The following RELN variants were observed in gnomAD, a reference collection of about 807,000 sequenced individuals.
The protein encoded by RELN is reelin.
Under a neutral mutation model 427.6 loss-of-function variants are expected in RELN, and 108 were observed. That is an observed-to-expected ratio of 0.25 (90% CI 0.22 to 0.30). RELN has a LOEUF of 0.30. Ranked by LOEUF, RELN falls within the 10% of genes least tolerant of loss-of-function variation. The pLI is 1.00. For synonymous variants in RELN, 1,524 were observed against 1,513.4 expected, an observed-to-expected ratio of 1.01 and a Z score of -0.16; for missense variants, 3,715 against 4,302.8, an observed-to-expected ratio of 0.86 and a Z score of 3.82.
intron 1 of RELN, among the ~76,000 whole-genome samples, chr7:103,923,928 A>G (rs1207976961): frequency 6.6e-6 from 1 of 152,218 alleles, no homozygotes; most frequent in Non-Finnish European, 1.5e-5. Flanking sequence ...TATAGGTATT[A>G]ATCTTTTCAA....
intron 1 of RELN, among the ~76,000 whole-genome samples, chr7:103,940,005 C>A (rs1376612122): frequency 6.6e-6 from 1 of 152,064 alleles, no homozygotes; most frequent in East Asian, 1.9e-4. Flanking sequence ...ACAATCTGTA[C>A]ATGTATATTA....
intron 2 of RELN, among the ~76,000 whole-genome samples, chr7:103,892,254 G>A (rs1018242081): frequency 1.3e-5 from 2 of 152,088 alleles, no homozygotes; most frequent in African/African-American, 2.4e-5. Flanking sequence ...TTCAGGAACC[G>A]AATGACTATG....
intron 12 of RELN, among the ~76,000 whole-genome samples, chr7:103,657,219 G>C (rs1305720066): frequency 6.6e-6 from 1 of 151,942 alleles, no homozygotes; most frequent in African/African-American, 2.4e-5. Context: ...TTATGATTTT[G>C]ACATTTATAT....
At chr7:103,646,269 G>C (rs1338824915) in intron 16 of RELN, among the ~76,000 whole-genome samples, 3 of 151,516 alleles carry the variant, frequency 2.0e-5, no homozygotes, top group Non-Finnish European at 4.4e-5. Flanking sequence ...AAATAATGAA[G>C]ATCAGAGCAG....
At chr7:103,886,088 T>C (rs1431344056) in intron 2 of RELN, among the ~76,000 whole-genome samples, 1 of 152,148 alleles carries the variant, frequency 6.6e-6, no homozygotes, top group Non-Finnish European at 1.5e-5. Flanking sequence ...ATTTTATGAG[T>C]TGTGTTTATG....
intron 3 of RELN, among the ~76,000 whole-genome samples, chr7:103,817,400 C>T (rs1196291613): frequency 6.6e-6 from 1 of 152,120 alleles, no homozygotes; most frequent in East Asian, 1.9e-4. Flanking sequence ...AATATGTGGC[C>T]AGGCCCTCTC....
intron 11 of RELN, among the ~76,000 whole-genome samples, chr7:103,678,063 T>C (rs190551109): frequency 6.6e-6 from 1 of 152,332 alleles, no homozygotes; most frequent in East Asian, 1.9e-4. Flanking sequence ...TGGGGAAGAC[T>C]ACAGCATACT....
At chr7:103,688,216 T>C (rs1226586348) in intron 10 of RELN, among the ~76,000 whole-genome samples, 1 of 152,030 alleles carries the variant, frequency 6.6e-6, no homozygotes, top group Non-Finnish European at 1.5e-5. Flanking sequence ...AAAAAAGACA[T>C]GGGAACATGG....
intron 1 of RELN, among the ~76,000 whole-genome samples, chr7:103,935,636 C>G (rs1257695552): frequency 6.6e-6 from 1 of 152,138 alleles, no homozygotes. Context: ...CAGCTTAACT[C>G]CCTGTAAGAC....
chr7:103,486,506 G>A (rs774001116), intron 60 of RELN, 90 bp from the exon 61 acceptor site: 19 of 920,914 alleles, frequency 2.1e-5, no homozygotes, highest in East Asian at 5.8e-5. Context: ...GGTTTAAGTA[G>A]TTGTTACTGT....
intron 6 of RELN, among the ~76,000 whole-genome samples, chr7:103,744,669 A>G (rs1246839072): frequency 6.6e-6 from 1 of 152,240 alleles, no homozygotes; most frequent in Non-Finnish European, 1.5e-5. Flanking sequence ...ACCTAGAAGA[A>G]ATGGATAAAT....
intron 61 of RELN, among the ~76,000 whole-genome samples, chr7:103,484,744 C>T (rs969274901): frequency 5.9e-5 from 9 of 152,098 alleles, no homozygotes; most frequent in African/African-American, 1.7e-4. Flanking sequence ...TGAAAGGTAA[C>T]GTGGGCCAAA....
rs749251239 is a variant in RELN, at chr7:103,557,974, T to C, written c.5605A>G (p.Ile1869Val). 2.6e-5 allele frequency: 35 copies of C among 1,342,834 alleles called. No homozygotes were observed. The highest frequency in any genetic ancestry group is 8.2e-5 in the South Asian group (7 of 85,396). The allele number at this position is 1,342,834 out of a possible 1,614,324, so 83.2% of individuals were successfully genotyped here. The part of the protein sequence containing the change: ...TMYVQFSLRF[I>V]AKSTPERSHS... ...ATAAATTCATACTTACTTTTTGCTA[T>C]AAATCTAAGTGAAAACTGGACATAC... The change falls in exon 37 of 65, where the codon ATA becomes GTA. Residue 1869 changes from isoleucine (I) to valine (V), a missense_variant. By Grantham distance (29) the Ile-to-Val change is conservative. Coordinates refer to ENST00000428762, the MANE Select transcript of RELN (RefSeq NM_005045.4).
At chr7:103,793,972 G>A (rs1471065579) in intron 3 of RELN, among the ~76,000 whole-genome samples, 2 of 152,068 alleles carry the variant, frequency 1.3e-5, no homozygotes, top group African/African-American at 2.4e-5. Context: ...TCACCATGTT[G>A]GCCAGGCTGG....
chr7:103,695,728 G>C (rs758084528), intron 10 of RELN, among the ~76,000 whole-genome samples: 7 of 152,072 alleles, frequency 4.6e-5, no homozygotes, highest in African/African-American at 7.2e-5. Flanking sequence ...AGGTCTCCTG[G>C]GTTTATGCAT....
chr7:103,716,773 G>C (rs913701762), intron 8 of RELN, among the ~76,000 whole-genome samples: 1 of 152,162 alleles, frequency 6.6e-6, no homozygotes, highest in Non-Finnish European at 1.5e-5. Context: ...TGAATGTGCA[G>C]AAATGGTCAG....
intron 1 of RELN, among the ~76,000 whole-genome samples, chr7:103,942,459 C>T (rs2116739658): frequency 6.6e-6 from 1 of 152,292 alleles, no homozygotes; most frequent in Non-Finnish European, 1.5e-5. Context: ...CAATGATTCT[C>T]AAAGTGTGGT....
At chr7:103,510,174 A>G (rs1162110782) in intron 51 of RELN, among the ~76,000 whole-genome samples, 3 of 152,210 alleles carry the variant, frequency 2.0e-5, no homozygotes. Flanking sequence ...ATTCTACTAT[A>G]AAAATACATG....
intron 2 of RELN, among the ~76,000 whole-genome samples, chr7:103,908,234 G>A (rs890042734): frequency 2.6e-5 from 4 of 152,122 alleles, no homozygotes; most frequent in African/African-American, 9.7e-5. Context: ...CAAAATTAAA[G>A]TGAACTTCTC....
Sources: allele counts gnomAD v4.1 joint callset (sites outside exome capture counted in the v4.1 genomes callset), GRCh38; gene constraint gnomAD v4.1.1; transcripts MANE v1.5; gene names NCBI Gene and HGNC (gene_info 2026-07-23, HGNC 2026-07-21).